CEP15: variants seen among roughly 807,000 people sequenced by gnomAD.
CEP15 encodes centrosomal protein 15 kDa.
chr3:62,319,447 G>A, the CEP15 span: 3 of 152,114 alleles, frequency 2.0e-5, no homozygotes, highest in Non-Finnish European at 4.4e-5. Flanking sequence ...GACCCCGGAG[G>A]GCGGGCCTGT....
At chr3:62,320,549 C>G in the CEP15 span, 3 of 1,573,808 alleles carry the variant, frequency 1.9e-6, no homozygotes, top group Non-Finnish European at 2.6e-6. Flanking sequence ...AGGGATGATT[C>G]AGATATAGAA....
chr3:62,328,701 A>G, the CEP15 span, among the ~76,000 whole-genome samples: 1 of 152,078 alleles, frequency 6.6e-6, no homozygotes, highest in Non-Finnish European at 1.5e-5. Context: ...ATAATCAGGA[A>G]ACTTTGACAT....
At chr3:62,327,193 G>A in the CEP15 span, among the ~76,000 whole-genome samples, 4 of 152,066 alleles carry the variant, frequency 2.6e-5, no homozygotes, top group Non-Finnish European at 5.9e-5. Flanking sequence ...TGTATTCTCC[G>A]TAATTCCTAT....
At chr3:62,321,873 C>A in the CEP15 span, 2 of 1,319,388 alleles carry the variant, frequency 1.5e-6, no homozygotes, top group Non-Finnish European at 2.1e-6. This position sits in a 1 kb window ranked among gnomAD's most constrained non-coding sequence, Gnocchi z 4.1. Flanking sequence ...ATTGGTCAAG[C>A]AGTAAAATGT....
chr3:62,332,402 A>G, the CEP15 span, among the ~76,000 whole-genome samples: 1 of 152,072 alleles, frequency 6.6e-6, no homozygotes, highest in African/African-American at 2.4e-5. Flanking sequence ...TGGAGTGAAT[A>G]TTTTTGTGTT....
At chr3:62,328,794 G>A in the CEP15 span, among the ~76,000 whole-genome samples, 7 of 152,154 alleles carry the variant, frequency 4.6e-5, no homozygotes, top group African/African-American at 1.7e-4. Context: ...AAGGTTGTAT[G>A]GGACGCAGTC....
At chr3:62,328,739 A>G in the CEP15 span, among the ~76,000 whole-genome samples, 1 of 152,016 alleles carries the variant, frequency 6.6e-6, no homozygotes, top group Non-Finnish European at 1.5e-5. Flanking sequence ...TGAATATTTA[A>G]TGCCTAGTAC....
chr3:62,331,226 G>T, the CEP15 span: 5 of 941,808 alleles, frequency 5.3e-6, no homozygotes, highest in Non-Finnish European at 8.4e-6. Flanking sequence ...ATCCAGAGAA[G>T]AGTTGAGGTG....
chr3:62,333,673 CT>C, the CEP15 span: 6 of 212,884 alleles, frequency 2.8e-5, no homozygotes, highest in African/African-American at 7.1e-5. This position sits in a 1 kb window ranked among gnomAD's most constrained non-coding sequence, Gnocchi z 4.0. Context: ...GAGTGTGTTG[CT>C]TTAAAAAAAA....
At chr3:62,329,446 G>C in the CEP15 span, among the ~76,000 whole-genome samples, 1 of 152,156 alleles carries the variant, frequency 6.6e-6, no homozygotes, top group African/African-American at 2.4e-5. Context: ...AGCTGCCACA[G>C]ATCTTAAGAA....
chr3:62,335,107 C>T, the CEP15 span: 3 of 152,016 alleles, frequency 2.0e-5, no homozygotes, highest in Admixed American at 2.0e-4. Flanking sequence ...CATTAACATC[C>T]TCAAATATTT....
At chr3:62,319,570 T>TC in the CEP15 span, among the ~76,000 whole-genome samples, 1 of 152,138 alleles carries the variant, frequency 6.6e-6, no homozygotes, top group South Asian at 2.1e-4. Context: ...CACCCTACAC[T>TC]CAATAAGCGT....
the CEP15 span, among the ~76,000 whole-genome samples, chr3:62,326,099 A>G: frequency 6.6e-6 from 1 of 151,604 alleles, no homozygotes; most frequent in Admixed American, 6.6e-5. Context: ...CTGGACAAAC[A>G]CTCCGGGGTG....
At chr3:62,334,147 T>C in the CEP15 span, 1 of 151,810 alleles carries the variant, frequency 6.6e-6, no homozygotes, top group African/African-American at 2.4e-5. The surrounding 1 kb of genome is among the most constrained non-coding windows in gnomAD (Gnocchi z 4.9). Flanking sequence ...CTAATTTCAT[T>C]ATTCCTGAAA....
chr3:62,333,134 G>A, the CEP15 span: 8 of 727,040 alleles, frequency 1.1e-5, no homozygotes, highest in Non-Finnish European at 1.7e-5. This position sits in a 1 kb window ranked among gnomAD's most constrained non-coding sequence, Gnocchi z 4.0. Context: ...ACATATATGT[G>A]TGTGTGTGTG....
the CEP15 span, chr3:62,319,485 G>A: frequency 6.6e-6 from 1 of 152,182 alleles, no homozygotes; most frequent in East Asian, 1.9e-4. Flanking sequence ...GGTGCTGAAG[G>A]AAAGGCAGCC....
At chr3:62,321,181 C>T in the CEP15 span, among the ~76,000 whole-genome samples, 1 of 152,114 alleles carries the variant, frequency 6.6e-6, no homozygotes, top group East Asian at 1.9e-4. The surrounding 1 kb of genome is among the most constrained non-coding windows in gnomAD (Gnocchi z 4.1). Flanking sequence ...TGTATACCAA[C>T]GTATGTATCT....
At chr3:62,336,000 G>A in the CEP15 span, 1 of 152,044 alleles carries the variant, frequency 6.6e-6, no homozygotes, top group African/African-American at 2.4e-5. Flanking sequence ...CATGCGTAGG[G>A]AGCAGTGTGA....
At chr3:62,322,137 A>C in the CEP15 span, 4 of 1,399,892 alleles carry the variant, frequency 2.9e-6, no homozygotes, top group Non-Finnish European at 3.9e-6. The surrounding 1 kb of genome is among the most constrained non-coding windows in gnomAD (Gnocchi z 5.5). Context: ...TGATTTATAT[A>C]ACTTATTGGT....
Sources: gnomAD v4.1 joint callset for allele counts (sites outside exome capture counted in the v4.1 genomes callset) on GRCh38, gnomAD v4.1.1 for gene constraint, Gnocchi (gnomAD v3.1) non-coding constraint, MANE v1.5 for transcripts, NCBI Gene and HGNC (gene_info 2026-07-23, HGNC 2026-07-21) for gene names.